The following WDR35 variants were observed in gnomAD, a reference collection of about 807,000 sequenced individuals.
WDR35 encodes the protein WD repeat domain 35, also known as WD repeat-containing protein 35.
In WDR35, 118 loss-of-function variants were observed where a neutral mutation model predicts 158.3. That is an observed-to-expected ratio of 0.75 (90% CI 0.64 to 0.87). The LOEUF (loss-of-function observed/expected upper bound fraction) is 0.87. WDR35 is among the 40% of genes least tolerant of loss of function. The pLI is 0.00. For missense variants in WDR35, 1,263 were observed against 1,405.8 expected (o/e 0.90, Z 1.62); for synonymous variants, 448 against 476.1 (o/e 0.94, Z 0.77).
intron 1 of WDR35, among the ~76,000 whole-genome samples, chr2:19,989,699 G>C (rs577435317): frequency 1.9e-4 from 29 of 152,342 alleles, no homozygotes; most frequent in Middle Eastern, 3.4e-3. Context: ...GCAACAAGTG[G>C]AGGAGGAAAC....
At chr2:19,922,356 C>T (rs1024366983) in intron 25 of WDR35, among the ~76,000 whole-genome samples, 16 of 152,212 alleles carry the variant, frequency 1.1e-4, no homozygotes, top group Non-Finnish European at 2.1e-4. Flanking sequence ...AAAGAAAATG[C>T]AGCACATATA....
intron 11 of WDR35, 109 bp downstream of exon 11, chr2:19,960,445 C>T: frequency 5.7e-6 from 5 of 879,612 alleles, no homozygotes; most frequent in Middle Eastern, 2.7e-4. Context: ...TATGGTCATC[C>T]TCGTTTTAGA....
At position 19,965,488 on chromosome 2, in the gene WDR35, G is replaced by C. The variant is rs1671819840; in HGVS notation, c.1194+1236C>G. On this transcript the variant is annotated intron_variant, in intron 10 of 26. Coordinates refer to ENST00000281405, the MANE Select transcript of WDR35 (RefSeq NM_020779.4). ...AGTATCTTTAGAAGGCTTTTCTCTT[G>C]AACAGGTCGAATTCTCCTGAGAAGA... 2.6e-5 allele frequency among the ~76,000 whole-genome samples: 4 copies of C among 152,184 alleles called. No homozygotes were observed. The South Asian group carries it at 8.3e-4, about 31-fold the overall frequency.
intron 11 of WDR35, among the ~76,000 whole-genome samples, chr2:19,956,009 G>A (rs1483840076): frequency 6.6e-6 from 1 of 152,082 alleles, no homozygotes; most frequent in Non-Finnish European, 1.5e-5. Context: ...TTTCTTGGAA[G>A]GAGCACTTTG....
chr2:19,981,782 G>A (rs910874426), intron 3 of WDR35, among the ~76,000 whole-genome samples: 1 of 152,112 alleles, frequency 6.6e-6, no homozygotes, highest in Non-Finnish European at 1.5e-5. Flanking sequence ...GCCTCCCAAA[G>A]TGCTTGAACT....
chr2:19,916,769 C>A (rs1211976177), intron 25 of WDR35, among the ~76,000 whole-genome samples: 1 of 152,210 alleles, frequency 6.6e-6, no homozygotes, highest in African/African-American at 2.4e-5. Context: ...TGGGACAAAG[C>A]ACCTGGGGAA....
In WDR35 at chr2:19,937,732, T is replaced by C; in HGVS notation, c.2267+11A>G. The C allele has an allele frequency of 6.2e-7, 1 of 1,614,118 alleles. No individual in the cohort carries two copies. Among genetic ancestry groups the C allele is most frequent in the Non-Finnish European group, 8.5e-7 (1 of 1,179,976 alleles). ...AGAGTACTCAGGGATGCCTGCGCCT[T>C]CATAACTTACCTTCTGTCCATCTCG... is the stretch of plus-strand genomic sequence containing the variant. On this transcript the variant is annotated intron_variant, in intron 19 of 26. Coordinates refer to ENST00000281405, the MANE Select transcript of WDR35 (RefSeq NM_020779.4).
chr2:19,928,785 C>T (rs1670437833), intron 25 of WDR35, among the ~76,000 whole-genome samples: 1 of 151,888 alleles, frequency 6.6e-6, no homozygotes, highest in South Asian at 2.1e-4. Flanking sequence ...TCAATCATTA[C>T]AATAACTCTA....
intron 13 of WDR35, among the ~76,000 whole-genome samples, chr2:19,950,394 G>A (rs116722663): frequency 2.7e-3 from 412 of 152,304 alleles, no homozygotes; most frequent in African/African-American, 9.3e-3. Context: ...GGAATGAACA[G>A]TAGGGGAAAG....
intron 15 of WDR35, 38 bp downstream of exon 15, chr2:19,946,422 TA>T: frequency 6.6e-7 from 1 of 1,505,996 alleles, no homozygotes; most frequent in African/African-American, 1.4e-5. Flanking sequence ...TGATCATTTC[TA>T]AGTCTAACAT....
At chr2:19,941,621 G>A in intron 17 of WDR35, 138 bp downstream of exon 17, 2 of 604,758 alleles carry the variant, frequency 3.3e-6, no homozygotes, top group East Asian at 3.0e-5. Flanking sequence ...CCTAAAGGCT[G>A]AACAATAAGA....
At position 19,951,314 on chromosome 2, in the gene WDR35, C is replaced by T. The variant is rs184343763; in HGVS notation, c.1470+101G>A. 11 of 1,025,822 alleles carry T rather than the reference C, an allele frequency of 1.1e-5. No homozygotes were observed. The African/African-American group carries it at 1.1e-4, about 11-fold the overall frequency. 63.5% of individuals were successfully genotyped at this position (1,025,822 alleles called of 1,614,324 possible). On this transcript the variant is annotated intron_variant, in intron 13 of 26. Coordinates refer to ENST00000281405, the MANE Select transcript of WDR35 (RefSeq NM_020779.4). ...TTTAAAGAATTGCTAAAATAATATC[C>T]TATTCACTGGAAACAAATTATTTTT...
At chr2:19,982,366 C>T (rs1672407736) in intron 3 of WDR35, 97 bp downstream of exon 3, 1 of 1,126,240 alleles carries the variant, frequency 8.9e-7, no homozygotes. Flanking sequence ...GTAAATATTA[C>T]CATTATTTAA....
chr2:19,958,447 A>T (rs1572347835), intron 11 of WDR35, among the ~76,000 whole-genome samples: 1 of 152,344 alleles, frequency 6.6e-6, no homozygotes, highest in African/African-American at 2.4e-5. Context: ...ATCACTGTTC[A>T]ATGAATTAAC....
intron 25 of WDR35, among the ~76,000 whole-genome samples, chr2:19,921,196 C>T (rs1670154935): frequency 2.0e-5 from 3 of 152,144 alleles, no homozygotes; most frequent in Admixed American, 2.0e-4. Context: ...AATCAAGCTA[C>T]CATTGACTTT....
chr2:19,981,558 C>A, intron 3 of WDR35, among the ~76,000 whole-genome samples: 1 of 152,074 alleles, frequency 6.6e-6, no homozygotes, highest in East Asian at 1.9e-4. Context: ...TGCACTGTCA[C>A]CAAGGCTGGA....
At chr2:19,960,496 A>T (rs1671611364) in intron 11 of WDR35, 58 bp downstream of exon 11, 1 of 1,386,800 alleles carries the variant, frequency 7.2e-7, no homozygotes, top group Non-Finnish European at 1.0e-6. Context: ...TAGGTTTTTA[A>T]ATTAGTGTTA....
Position 19,935,464 on chromosome 2 carries a change from T to C in WDR35, c.2547+7A>G. 1 of 1,612,326 alleles carries C rather than the reference T, an allele frequency of 6.2e-7. No individual in the cohort carries two copies. Among genetic ancestry groups the C allele is most frequent in the Middle Eastern group, 1.7e-4 (1 of 6,054 alleles). On this transcript the variant is annotated splice_region_variant and intron_variant, in intron 21 of 26. Coordinates refer to ENST00000281405, the MANE Select transcript of WDR35 (RefSeq NM_020779.4). ...CAATTCCAAAAACTAAAATTTGCAA[T>C]ACCTACTGGAAGTAACTTGTGGTTT...
intron 10 of WDR35, among the ~76,000 whole-genome samples, chr2:19,961,997 C>T (rs1671677202): frequency 6.6e-6 from 1 of 152,258 alleles, no homozygotes; most frequent in Middle Eastern, 3.4e-3. Context: ...TTAAAGGGTA[C>T]CCATTTATCT....
Sources: allele counts gnomAD v4.1 joint callset (sites outside exome capture counted in the v4.1 genomes callset), GRCh38; gene constraint gnomAD v4.1.1; transcripts MANE v1.5; gene names NCBI Gene and HGNC (gene_info 2026-07-23, HGNC 2026-07-21).